Variants in EPHA5 observed in about 807,000 individuals in gnomAD.
The protein encoded by EPHA5 is ephrin type-A receptor 5.
Under a neutral mutation model 105.0 loss-of-function variants are expected in EPHA5, and 60 were observed. The ratio of observed to expected loss-of-function variants is 0.57; its 90% CI spans 0.46 to 0.71. The LOEUF is 0.71. Ranked by LOEUF, EPHA5 falls within the 30% of genes least tolerant of loss-of-function variation. The pLI is 0.00. For synonymous variants in EPHA5, 513 were observed against 449.1 expected, an observed-to-expected ratio of 1.14 and a Z score of -1.80; for missense variants, 1,218 against 1,274.7, an observed-to-expected ratio of 0.96 and a Z score of 0.68.
At chr4:65,637,956 T>C (rs1356922416) in intron 2 of EPHA5, among the ~76,000 whole-genome samples, 1 of 152,134 alleles carries the variant, frequency 6.6e-6, no homozygotes, top group African/African-American at 2.4e-5. Context: ...GGTGCAATGA[T>C]TGTTTTTAAC....
chr4:65,398,995 G>T (rs1721535268), intron 8 of EPHA5, among the ~76,000 whole-genome samples: 1 of 152,154 alleles, frequency 6.6e-6, no homozygotes, highest in Non-Finnish European at 1.5e-5. Flanking sequence ...AACAAACAGG[G>T]CTAAAACACG....
At chr4:65,435,042 C>A (rs62298040) in intron 5 of EPHA5, among the ~76,000 whole-genome samples, 15,114 of 151,964 alleles carry the variant, frequency 0.099, 967 homozygotes, top group Middle Eastern at 0.23. Context: ...AATTATGGTA[C>A]ACATAAGGAT....
intron 8 of EPHA5, among the ~76,000 whole-genome samples, chr4:65,381,215 A>C (rs1719528172): frequency 6.6e-6 from 1 of 151,772 alleles, no homozygotes; most frequent in South Asian, 2.1e-4. Flanking sequence ...AAGCAACTAA[A>C]TGATAAAATA....
chr4:65,345,001 T>C (rs1722078955), intron 14 of EPHA5, among the ~76,000 whole-genome samples: 1 of 152,206 alleles, frequency 6.6e-6, no homozygotes, highest in Non-Finnish European at 1.5e-5. Context: ...TCATTATTTC[T>C]GTGATGGTAA....
Position 65,324,691 on chromosome 4 carries a change from G to A in EPHA5, c.2946-472C>T, listed in dbSNP as rs1719906899. ...TTCTATACAGTAATTTTATATAACA[G>A]ATATCTTTAGGAGATAATCACCACT... On this transcript the variant is annotated intron_variant, in intron 16 of 16. Transcript: ENST00000613740. Among the ~76,000 whole-genome samples the A allele has an allele frequency of 4.0e-5, 6 of 149,320 alleles. No individual in the cohort carries two copies. In the Admixed American group the frequency reaches 4.0e-4, roughly 10 times the overall value.
chr4:65,402,572 G>T (rs115838650), intron 8 of EPHA5, among the ~76,000 whole-genome samples: 82 of 152,156 alleles, frequency 5.4e-4, no homozygotes, highest in African/African-American at 1.9e-3. Flanking sequence ...TTGGATTCTA[G>T]ACCTTGGTTC....
At chr4:65,603,647 A>T (rs369634852) in intron 2 of EPHA5, among the ~76,000 whole-genome samples, 22 of 152,292 alleles carry the variant, frequency 1.4e-4, no homozygotes, top group African/African-American at 5.1e-4. Context: ...TCAGACAGAC[A>T]TAAGCAAAAG....
intron 3 of EPHA5, chr4:65,573,741 C>T: frequency 3.1e-6 from 5 of 1,605,568 alleles, no homozygotes; most frequent in Non-Finnish European, 4.3e-6. Flanking sequence ...TGTTACAAAA[C>T]CAGTTGGTGG....
At chr4:65,653,718 A>G (rs68161742) in intron 1 of EPHA5, among the ~76,000 whole-genome samples, 31,334 of 152,014 alleles carry the variant, frequency 0.21, 3,642 homozygotes, top group Non-Finnish European at 0.25. Context: ...CTCAAAGGTT[A>G]CAAAGAAAAT....
At position 65,506,530 on chromosome 4, in the gene EPHA5, A is replaced by G; in HGVS notation, c.911-10987T>C. ...GCACCTGTTGTTTCCTGACTTTTTA[A>G]TGATCGCCATTCTAACTGATGTGAG... On this transcript the variant is annotated intron_variant, in intron 3 of 16. Transcript: ENST00000613740. Among the ~76,000 whole-genome samples, 2 of 145,162 alleles carry G rather than the reference A, an allele frequency of 1.4e-5. 1 individual carries two copies. Among genetic ancestry groups the G allele is most frequent in the Non-Finnish European group, 3.0e-5 (2 of 65,770 alleles).
Position 65,574,647 on chromosome 4 carries a change from T to C in EPHA5, c.910+26994A>G, listed in dbSNP as rs1578464815. 1.7e-5 allele frequency among the ~76,000 whole-genome samples: 2 copies of C among 118,014 alleles called. 1 individual carries two copies. The highest frequency in any genetic ancestry group is 6.1e-5 in the African/African-American group (2 of 32,658). The allele number at this position is 118,014 out of a possible 152,430, so 77.4% of individuals were successfully genotyped here. On this transcript the variant is annotated intron_variant, in intron 3 of 16. Coordinates refer to ENST00000613740, the MANE Select transcript of EPHA5 (RefSeq NM_001281766.3). ...ATATACACATATATATATACACATA[T>C]ATATACACATATATATATACACATA...
chr4:65,438,610 A>G (rs1725713930), intron 5 of EPHA5, among the ~76,000 whole-genome samples: 1 of 152,014 alleles, frequency 6.6e-6, no homozygotes, highest in Non-Finnish European at 1.5e-5. Flanking sequence ...AAAATATGTG[A>G]GCTGAAGCTT....
chr4:65,562,185 C>G (rs1578428504), intron 3 of EPHA5, among the ~76,000 whole-genome samples: 1 of 152,086 alleles, frequency 6.6e-6, no homozygotes, highest in Non-Finnish European at 1.5e-5. Context: ...GGTGGCATTT[C>G]TCAACCGCAA....
chr4:65,578,736 C>G (rs1346762756), intron 3 of EPHA5, among the ~76,000 whole-genome samples: 1 of 151,926 alleles, frequency 6.6e-6, no homozygotes, highest in African/African-American at 2.4e-5. Flanking sequence ...CCAACAAATA[C>G]GTGGATGAGA....
chr4:65,531,792 C>T (rs1228089151), intron 3 of EPHA5, among the ~76,000 whole-genome samples: 1 of 152,028 alleles, frequency 6.6e-6, no homozygotes, highest in East Asian at 1.9e-4. Context: ...TAAAGAGGTA[C>T]CATATCAGTC....
rs183571403 is a variant in EPHA5, at chr4:65,518,376, T to G, written c.911-22833A>C. On this transcript the variant is annotated intron_variant, in intron 3 of 16. Transcript: ENST00000613740. ...AATGTATTAGCTTTTATGTTTCATT[T>G]TGCCATATTTTTGTTTGTTTGTAAA... Among the ~76,000 whole-genome samples, 322 of 152,020 alleles carry G rather than the reference T, an allele frequency of 2.1e-3. 1 individual carries two copies. Among genetic ancestry groups the G allele is most frequent in the African/African-American group, 7.1e-3 (295 of 41,528 alleles).
At chr4:65,636,690 C>T (rs1484707245) in intron 2 of EPHA5, among the ~76,000 whole-genome samples, 1 of 152,116 alleles carries the variant, frequency 6.6e-6, no homozygotes, top group African/African-American at 2.4e-5. Flanking sequence ...ACGTGCTCTT[C>T]CCAGGTGTGT....
rs1376492501 is a variant in EPHA5 at position 65,383,218 on chromosome 4, T to TACAC, written c.1794-15795_1794-15794insGTGT. ...TATATACATCATGATGCATATATGA[T>TACAC]ATACACACACACACACACACACACA... is the stretch of plus-strand genomic sequence containing the variant. On this transcript the variant is annotated intron_variant, in intron 8 of 16. Coordinates refer to ENST00000613740, the MANE Select transcript of EPHA5 (RefSeq NM_001281766.3). 4.6e-4 allele frequency among the ~76,000 whole-genome samples: 49 copies of TACAC among 106,676 alleles called. 1 individual carries two copies. The East Asian group carries it at 8.5e-3, about 18-fold the overall frequency. The allele number at this position is 106,676 out of a possible 152,430, so 70.0% of individuals were successfully genotyped here.
At chr4:65,653,785 A>G (rs1418732803) in intron 1 of EPHA5, among the ~76,000 whole-genome samples, 2 of 152,066 alleles carry the variant, frequency 1.3e-5, no homozygotes, top group African/African-American at 4.8e-5. Flanking sequence ...AAGTACTTTC[A>G]TTTTTCTGTG....
Sources: gnomAD v4.1 joint callset for allele counts (sites outside exome capture counted in the v4.1 genomes callset) on GRCh38, gnomAD v4.1.1 for gene constraint, MANE v1.5 for transcripts, NCBI Gene and HGNC (gene_info 2026-07-23, HGNC 2026-07-21) for gene names.